Variants in MTO1 observed in about 807,000 individuals in gnomAD.
The protein encoded by MTO1 is mitochondrial tRNA translation optimization 1.
Under a neutral mutation model 71.6 loss-of-function variants are expected in MTO1, and 46 were observed. The observed-to-expected ratio is 0.64, with a 90% CI of 0.51 to 0.82. The LOEUF is 0.82. Ranked by LOEUF, MTO1 falls within the 40% of genes least tolerant of loss-of-function variation. The probability of loss-of-function intolerance (pLI) is 0.00; values close to 1 mark genes in which losing one functional copy is unlikely to be tolerated. For missense variants in MTO1, 773 were observed against 867.5 expected, an observed-to-expected ratio of 0.89 and a Z score of 1.37; for synonymous variants, 297 against 312.1, an observed-to-expected ratio of 0.95 and a Z score of 0.51.
intron 1 of MTO1, among the ~76,000 whole-genome samples, chr6:73,464,759 C>T (rs953606622): frequency 2.9e-5 from 4 of 139,238 alleles, no homozygotes; most frequent in African/African-American, 5.3e-5. Context: ...CACTTGAACT[C>T]GGGAGGTGGA....
intron 4 of MTO1, among the ~76,000 whole-genome samples, 200 bp from the exon 5 acceptor site, chr6:73,479,528 CTAGT>C (rs2150035548): frequency 6.6e-6 from 1 of 152,226 alleles, no homozygotes; most frequent in Non-Finnish European, 1.5e-5. Context: ...AATTAAACTG[CTAGT>C]TAGATTTAGA....
At chr6:73,486,206 G>C (rs1771648701) in intron 9 of MTO1, among the ~76,000 whole-genome samples, 1 of 152,038 alleles carries the variant, frequency 6.6e-6, no homozygotes, top group Non-Finnish European at 1.5e-5. Flanking sequence ...GCCTCCCAAA[G>C]TGCTGGGATT....
At chr6:73,499,593 A>G (rs1475993138) in intron 11 of MTO1, among the ~76,000 whole-genome samples, 3 of 152,192 alleles carry the variant, frequency 2.0e-5, no homozygotes, top group African/African-American at 7.2e-5. Context: ...CCACATTTCA[A>G]GTGCCCAGTA....
chr6:73,465,760 G>T (rs775160198), intron 1 of MTO1, among the ~76,000 whole-genome samples: 1 of 152,098 alleles, frequency 6.6e-6, no homozygotes, highest in Admixed American at 6.6e-5. Context: ...GCCGAGGTGG[G>T]CAGATCACCT....
At position 73,504,888 on chromosome 6, in the gene MTO1, A is replaced by G. The variant is rs565423248; in HGVS notation, c.*4153A>G. 6.6e-6 allele frequency: 1 copy of G among 151,942 alleles called. No individual in the cohort carries two copies. The highest frequency in any genetic ancestry group is 6.6e-5 in the Admixed American group (1 of 15,232). The allele number at this position is 151,942 out of a possible 1,614,324, so 9.4% of individuals were successfully genotyped here. A position where few individuals can be genotyped will look rare whatever the true frequency, so the allele number is the denominator to read the frequency against. On this transcript the variant is annotated 3_prime_UTR_variant, in exon 12 of 12. Transcript: ENST00000498286. ...GCAACAGAGTGAGACCCTGCCTGAA[A>G]AAAAGCCCAGGTGTGGTGGCTCACA...
At chr6:73,497,154 A>ATTTTTTTTTTTTT (rs1249968654) in intron 10 of MTO1, among the ~76,000 whole-genome samples, 2 of 30,356 alleles carry the variant, frequency 6.6e-5, no homozygotes, top group African/African-American at 2.2e-4. Flanking sequence ...GCGGAAGCAA[A>ATTTTTTTTTTTTT]TTCTTTTTTT....
intron 7 of MTO1, 135 bp downstream of exon 7, chr6:73,480,940 G>A (rs1582685837): frequency 4.9e-6 from 3 of 617,892 alleles, no homozygotes; most frequent in Non-Finnish European, 7.3e-6. Context: ...GTTTCAGGGT[G>A]TTTGGAGATG....
At chr6:73,471,608 G>A (rs150175167) in intron 3 of MTO1, 5 of 300,224 alleles carry the variant, frequency 1.7e-5, no homozygotes, top group South Asian at 2.8e-5. Context: ...GTAGAGATGG[G>A]GGTCTCACTA....
intron 9 of MTO1, among the ~76,000 whole-genome samples, chr6:73,483,846 T>G (rs12527340): frequency 3.4e-5 from 5 of 148,226 alleles, no homozygotes; most frequent in Non-Finnish European, 4.5e-5. Context: ...TGGCATGATC[T>G]CGGCTCACTG....
chr6:73,500,654 A>G lies in MTO1; in HGVS notation c.1998A>G (p.Arg666=). Residue 666 remains arginine (R), a synonymous_variant, in exon 12 of 12, where the codon CGA becomes CGG. Coordinates refer to ENST00000498286, the MANE Select transcript of MTO1 (RefSeq NM_012123.4). The part of the protein sequence containing the change: ...NLLRFVKTTQ[R]RQSAMNESSK... The stretch of plus-strand genomic sequence containing the variant: ...TGAGATTTGTGAAGACCACTCAACG[A>G]AGACAGTCGGCTATGAATGAATCAT... 6.2e-7 allele frequency: 1 copy of G among 1,614,034 alleles called. No individual in the cohort carries two copies.
intron 3 of MTO1, among the ~76,000 whole-genome samples, chr6:73,472,092 C>T (rs1262351851): frequency 6.6e-6 from 1 of 152,094 alleles, no homozygotes; most frequent in Non-Finnish European, 1.5e-5. Context: ...CTCCTCAGTT[C>T]TTATTCTCAG....
intron 10 of MTO1, among the ~76,000 whole-genome samples, chr6:73,495,197 A>C (rs1048600906): frequency 6.6e-6 from 1 of 152,222 alleles, no homozygotes; most frequent in Non-Finnish European, 1.5e-5. Context: ...AAAGTCTAGC[A>C]ACAAAAGGAA....
Position 73,500,830 on chromosome 6 carries a change from C to A in MTO1, c.*95C>A. On this transcript the variant is annotated 3_prime_UTR_variant, in exon 12 of 12. Transcript: ENST00000498286. ...AATTATTTAGCACATGTTAAAATAG[C>A]TTTATTAGGTTACTATGGGTTTGCC... 2 of 1,059,458 alleles carry A rather than the reference C, an allele frequency of 1.9e-6. No individual in the cohort carries two copies. Among genetic ancestry groups the A allele is most frequent in the Non-Finnish European group, 2.5e-6 (2 of 799,178 alleles). The allele number at this position is 1,059,458 out of a possible 1,614,324, so 65.6% of individuals were successfully genotyped here. A position where few individuals can be genotyped will look rare whatever the true frequency, so the allele number is the denominator to read the frequency against.
chr6:73,476,303 G>A (rs985354263), intron 4 of MTO1, among the ~76,000 whole-genome samples: 5 of 151,198 alleles, frequency 3.3e-5, no homozygotes, highest in African/African-American at 9.7e-5. Context: ...GAACCTGGGA[G>A]GCAGAGGTTG....
chr6:73,494,688 C>A (rs1771932258), intron 10 of MTO1, among the ~76,000 whole-genome samples: 1 of 150,816 alleles, frequency 6.6e-6, no homozygotes, highest in Non-Finnish European at 1.5e-5. Context: ...TTTGGCCAGG[C>A]TGGTCTTGAA....
At chr6:73,473,898 C>G (rs1333408523) in intron 4 of MTO1, among the ~76,000 whole-genome samples, 1 of 151,334 alleles carries the variant, frequency 6.6e-6, no homozygotes, top group African/African-American at 2.4e-5. Flanking sequence ...GTGATCCTCC[C>G]ACCTCAACCC....
chr6:73,479,923 T>C lies in MTO1; in HGVS notation c.939-13T>C, dbSNP rs371809371. On this transcript the variant is annotated splice_polypyrimidine_tract_variant and intron_variant, in intron 5 of 11. Coordinates refer to ENST00000498286, the MANE Select transcript of MTO1 (RefSeq NM_012123.4). ...TTTGTTCATTTCAAGTTTATTTAAA[T>C]GTTCTATTCTAGATACTGTCCCTCC... The C allele has an allele frequency of 1.4e-4, 220 of 1,607,614 alleles. No individual in the cohort carries two copies. Among genetic ancestry groups the C allele is most frequent in the Non-Finnish European group, 1.7e-4 (198 of 1,176,268 alleles).
At chr6:73,467,485 T>C (rs1402093096) in intron 3 of MTO1, among the ~76,000 whole-genome samples, 1 of 151,804 alleles carries the variant, frequency 6.6e-6, no homozygotes, top group Admixed American at 6.6e-5. Flanking sequence ...TGGTGGCGCA[T>C]GCTTGAAATC....
At position 73,502,298 on chromosome 6, in the gene MTO1, G is replaced by A. The variant is rs1444269685; in HGVS notation, c.*1563G>A. ...ATCTCCACTAAAAATACCAAAATTA[G>A]CCAGGCGTGGTGGAGCAAGCCTGTA... is the stretch of plus-strand genomic sequence containing the variant. On this transcript the variant is annotated 3_prime_UTR_variant, in exon 12 of 12. Coordinates refer to ENST00000498286, the MANE Select transcript of MTO1 (RefSeq NM_012123.4). 2 of 152,166 alleles carry A rather than the reference G, an allele frequency of 1.3e-5. No individual in the cohort carries two copies. Among genetic ancestry groups the A allele is most frequent in the Non-Finnish European group, 2.9e-5 (2 of 68,092 alleles). 9.4% of individuals were successfully genotyped at this position (152,166 alleles called of 1,614,324 possible).
Sources: allele counts gnomAD v4.1 joint callset (sites outside exome capture counted in the v4.1 genomes callset), GRCh38; gene constraint gnomAD v4.1.1; transcripts MANE v1.5; gene names NCBI Gene and HGNC (gene_info 2026-07-23, HGNC 2026-07-21).